The following HMCN2 variants were observed in gnomAD, a reference collection of about 807,000 sequenced individuals.
HMCN2 encodes the protein hemicentin-2.
HMCN2 carries 325 observed loss-of-function variants against 377.5 expected under a neutral mutation model. The observed-to-expected ratio is 0.86, with a 90% confidence interval of 0.79 to 0.94. The LOEUF (loss-of-function observed/expected upper bound fraction) is 0.94, where lower values mean the gene tolerates loss of function less well. Among genes scored for constraint, HMCN2 ranks in the 40% least tolerant of loss-of-function variants. The probability of loss-of-function intolerance (pLI) is 0.00; values close to 1 mark genes in which losing one functional copy is unlikely to be tolerated. For missense variants in HMCN2, 4,543 were observed against 4,725.3 expected, an observed-to-expected ratio of 0.96 and a Z score of 1.13; for synonymous variants, 2,007 against 2,046.8, an observed-to-expected ratio of 0.98 and a Z score of 0.53.
rs778458084 is a variant in HMCN2 at position 130,430,563 on chromosome 9, G to T, written c.14606G>T (p.Trp4869Leu). 1.3e-5 allele frequency: 20 copies of T among 1,550,422 alleles called. No homozygotes were observed. The highest frequency in any genetic ancestry group is 1.7e-5 in the Non-Finnish European group (20 of 1,146,898). Residue 4869 changes from tryptophan to leucine, a missense_variant, in exon 95 of 98, where the codon TGG becomes TTG. Transcript: ENST00000683500. ...GCCCTGAGCAGTGTGGGCCGGGCCT[G>T]GTGCCCTCCTGGTTTCATCAGGCAG... is the stretch of plus-strand genomic sequence containing the variant. ...PMALSSVGRA[W>L]CPPGFIRQNG...
intron 1 of HMCN2, among the ~76,000 whole-genome samples, chr9:130,272,597 G>A (rs551591157): frequency 1.3e-5 from 2 of 152,084 alleles, no homozygotes; most frequent in African/African-American, 2.4e-5. Flanking sequence ...GCCCAGGCTG[G>A]GTGGCAGTGG....
chr9:130,280,041 A>C (rs1835022648), intron 1 of HMCN2, among the ~76,000 whole-genome samples: 1 of 152,142 alleles, frequency 6.6e-6, no homozygotes, highest in Non-Finnish European at 1.5e-5. Context: ...GGCCTCTAGC[A>C]GCTGGAAAAG....
At chr9:130,266,754 A>T (rs1834125122) in intron 1 of HMCN2, among the ~76,000 whole-genome samples, 1 of 152,184 alleles carries the variant, frequency 6.6e-6, no homozygotes. Flanking sequence ...GTGTTCTCAC[A>T]GCTGAGTTCC....
chr9:130,336,283 C>T (rs1838743648), intron 22 of HMCN2, among the ~76,000 whole-genome samples: 1 of 152,222 alleles, frequency 6.6e-6, no homozygotes, highest in Non-Finnish European at 1.5e-5. Flanking sequence ...CATATATACT[C>T]ATGATGCTAT....
chr9:130,385,906 G>C, intron 60 of HMCN2, 144 bp downstream of exon 60: 1 of 462,352 alleles, frequency 2.2e-6, no homozygotes, highest in South Asian at 1.9e-5. Context: ...TGGATTAGCA[G>C]CTTCCAGGGT....
chr9:130,394,202 G>A lies in HMCN2; in HGVS notation c.10502-183G>A, dbSNP rs956603962. Among the ~76,000 whole-genome samples the A allele has an allele frequency of 4.6e-5, 7 of 152,154 alleles. No individual in the cohort carries two copies. Among genetic ancestry groups the A allele is most frequent in the African/African-American group, 7.2e-5 (3 of 41,426 alleles). On this transcript the variant is annotated intron_variant, in intron 68 of 97. Transcript: ENST00000683500. This position sits in a 1 kb window ranked among gnomAD's most constrained non-coding sequence, Gnocchi z 5.1. ...CCTTGCCTGCGGGGAGTGGGTGGCCGGGCTTTGATTCTCCCAGGGCTGTGC... is the reference window on the plus strand; with the variant it reads ...CCTTGCCTGCGGGGAGTGGGTGGCCAGGCTTTGATTCTCCCAGGGCTGTGC...
Position 130,414,450 on chromosome 9 carries a change from G to A in HMCN2, c.12961+3798G>A, listed in dbSNP as rs892687104. Among the ~76,000 whole-genome samples, 17 of 152,080 alleles carry A rather than the reference G, an allele frequency of 1.1e-4. No homozygotes were observed. Among genetic ancestry groups the A allele is most frequent in the Non-Finnish European group, 2.4e-4 (16 of 68,032 alleles). ...GCAGTTTTATAGCTCTGCCAAAAAC[G>A]GAAGATTTAAATAAAAATCCGAGTC... On this transcript the variant is annotated intron_variant, in intron 85 of 97. Coordinates refer to ENST00000683500, the MANE Select transcript of HMCN2 (RefSeq NM_001291815.2). The surrounding 1 kb of genome is among the most constrained non-coding windows in gnomAD (Gnocchi z 4.4).
chr9:130,433,784 G>C lies in HMCN2; in HGVS notation c.*91G>C, dbSNP rs1344611657. On this transcript the variant is annotated 3_prime_UTR_variant, in exon 98 of 98. Coordinates refer to ENST00000683500, the MANE Select transcript of HMCN2 (RefSeq NM_001291815.2). Reference sequence around the variant, plus strand: ...TCCACGCCACCTGCTGTGGCAAGCGGAGCGTCATCGTCTCCCGCCCCGTGC... The same window carrying C: ...TCCACGCCACCTGCTGTGGCAAGCGCAGCGTCATCGTCTCCCGCCCCGTGC... The C allele has an allele frequency of 9.4e-7, 1 of 1,058,770 alleles. No homozygotes were observed. Among genetic ancestry groups the C allele is most frequent in the Non-Finnish European group, 1.3e-6 (1 of 775,004 alleles). The allele number at this position is 1,058,770 out of a possible 1,614,324, so 65.6% of individuals were successfully genotyped here. A position where few individuals can be genotyped will look rare whatever the true frequency, so the allele number is the denominator to read the frequency against.
chr9:130,406,196 C>G, intron 82 of HMCN2, 28 bp downstream of exon 82: 1 of 1,287,872 alleles, frequency 7.8e-7, no homozygotes, highest in Non-Finnish European at 1.0e-6. Context: ...ATGGGTGGGA[C>G]AGAGAGCCAG....
chr9:130,393,788 G>C lies in HMCN2; in HGVS notation c.10281G>C (p.Val3427=). 1 of 1,283,800 alleles carries C rather than the reference G, an allele frequency of 7.8e-7. No homozygotes were observed. The highest frequency in any genetic ancestry group is 1.0e-6 in the Non-Finnish European group (1 of 985,876). The allele number at this position is 1,283,800 out of a possible 1,614,324, so 79.5% of individuals were successfully genotyped here. A position where few individuals can be genotyped will look rare whatever the true frequency, so the allele number is the denominator to read the frequency against. ...EPVEFQNDVV[V]VRGSLVELPC... is the part of the protein sequence containing the mutation. ...TGGAGTTCCAGAATGACGTGGTGGT[G>C]GTTCGTGGCTCCCTGGTGGAACTCC... Residue 3427 remains valine (V), a synonymous_variant, in exon 68 of 98, where the codon GTG becomes GTC. Coordinates refer to ENST00000683500, the MANE Select transcript of HMCN2 (RefSeq NM_001291815.2). This position sits in a 1 kb window ranked among gnomAD's most constrained non-coding sequence, Gnocchi z 5.2.
intron 7 of HMCN2, among the ~76,000 whole-genome samples, 154 bp from the exon 8 acceptor site, chr9:130,298,871 T>C (rs1421138373): frequency 6.6e-6 from 1 of 152,026 alleles, no homozygotes; most frequent in Non-Finnish European, 1.5e-5. Context: ...ACCCCCAGCG[T>C]TGGTCAGCAC....
At chr9:130,292,664 C>T (rs1835850801) in intron 4 of HMCN2, among the ~76,000 whole-genome samples, 1 of 152,150 alleles carries the variant, frequency 6.6e-6, no homozygotes, top group Non-Finnish European at 1.5e-5. Context: ...CAATTGAGCA[C>T]AGTTATTATT....
chr9:130,377,908 G>T (rs925978707), intron 53 of HMCN2, 109 bp downstream of exon 53: 2 of 847,972 alleles, frequency 2.4e-6, no homozygotes, highest in Non-Finnish European at 2.8e-6. Context: ...CGCGCCACCC[G>T]TGGCATCTCC....
At position 130,334,750 on chromosome 9, in the gene HMCN2, C is replaced by CTT. The variant is rs1838638024; in HGVS notation, c.3360-3143_3360-3142insTT. ...TCTCTTTCTCTCTCTTTCTCTTTCT[C>CTT]TCTCTCTCTTCTCTCTCTCTCTCTC... On this transcript the variant is annotated intron_variant, in intron 22 of 97. Transcript: ENST00000683500. Among the ~76,000 whole-genome samples the CTT allele has an allele frequency of 3.0e-3, 272 of 89,496 alleles. 1 individual carries two copies. The highest frequency in any genetic ancestry group is 9.0e-3 in the South Asian group (21 of 2,338). The allele number at this position is 89,496 out of a possible 152,430, so 58.7% of individuals were successfully genotyped here.
intron 27 of HMCN2, 118 bp downstream of exon 27, chr9:130,348,793 G>C (rs1053821976): frequency 8.1e-5 from 101 of 1,251,032 alleles, no homozygotes; most frequent in Non-Finnish European, 1.0e-4. Context: ...AGGTGTCTTT[G>C]GTGGTGCTCT....
chr9:130,353,645 C>A (rs537472188), intron 31 of HMCN2, among the ~76,000 whole-genome samples: 1 of 152,348 alleles, frequency 6.6e-6, no homozygotes, highest in South Asian at 2.1e-4. Context: ...TACAGATGGT[C>A]GCAGTGAAGC....
rs772244493 is a variant in HMCN2, at chr9:130,400,841, G to A, written c.11664G>A (p.Val3888=). The change falls in exon 77 of 98, where the codon GTG becomes GTA. Residue 3888 remains valine, a synonymous_variant. Transcript: ENST00000683500. ...TDFTVTMMAP[V]VLTCHSTGIP... is the part of the protein sequence containing the mutation. ...TCACCGTGACCATGATGGCACCTGT[G>A]GTCCTCACATGTCACAGCACGGGTA... 9.3e-6 allele frequency: 12 copies of A among 1,289,602 alleles called. No individual in the cohort carries two copies. The highest frequency in any genetic ancestry group is 1.2e-5 in the Non-Finnish European group (12 of 988,768). 79.9% of individuals were successfully genotyped at this position (1,289,602 alleles called of 1,614,324 possible).
chr9:130,302,733 C>T (rs1836584733), intron 8 of HMCN2, 124 bp from the exon 9 acceptor site: 4 of 309,228 alleles, frequency 1.3e-5, no homozygotes, highest in South Asian at 5.3e-5. Flanking sequence ...AGAGAGGTGA[C>T]CAGGGGAGCC....
intron 85 of HMCN2, among the ~76,000 whole-genome samples, chr9:130,411,676 G>T (rs1486419143): frequency 1.3e-5 from 2 of 151,858 alleles, no homozygotes; most frequent in Non-Finnish European, 2.9e-5. Flanking sequence ...GAACCTTGAG[G>T]TCATTATGCG....
Sources: gnomAD v4.1 joint callset for allele counts (sites outside exome capture counted in the v4.1 genomes callset) on GRCh38, gnomAD v4.1.1 for gene constraint, Gnocchi (gnomAD v3.1) non-coding constraint, MANE v1.5 for transcripts, NCBI Gene and HGNC (gene_info 2026-07-23, HGNC 2026-07-21) for gene names.